GNA12: variants seen among roughly 807,000 people sequenced by gnomAD.
The protein encoded by GNA12 is G protein subunit alpha 12.
GNA12 carries 9 observed loss-of-function variants against 26.0 expected under a neutral mutation model. The observed-to-expected ratio is 0.35, with a 90% CI of 0.21 to 0.60. The LOEUF (loss-of-function observed/expected upper bound fraction) is 0.60, where lower values mean the gene tolerates loss of function less well. GNA12 is among the 20% of genes least tolerant of loss of function. The pLI, the probability that GNA12 is intolerant of heterozygous loss-of-function variation, is 0.78. For synonymous variants in GNA12, 264 were observed against 219.6 expected (o/e 1.20, Z -1.79); for missense variants, 405 against 525.8 (o/e 0.77, Z 2.25).
At chr7:2,789,218 C>A (rs1483652170) in intron 2 of GNA12, among the ~76,000 whole-genome samples, 1 of 137,248 alleles carries the variant, frequency 7.3e-6, no homozygotes, top group African/African-American at 2.8e-5. Flanking sequence ...TCACTGCAAG[C>A]TCCGCCTCCC....
chr7:2,843,029 G>T (rs1779045868), intron 1 of GNA12, among the ~76,000 whole-genome samples: 1 of 152,214 alleles, frequency 6.6e-6, no homozygotes. Context: ...GCTCACACCT[G>T]TAATCTCAGC....
chr7:2,778,694 A>G lies in GNA12; in HGVS notation c.525+16234T>C, dbSNP rs181141507. Reference sequence around the variant, plus strand: ...GGTAAACAAATACTACTTGCTAAGCATGGTGCTAGATGTTTTCACATCTCT... The same window carrying G: ...GGTAAACAAATACTACTTGCTAAGCGTGGTGCTAGATGTTTTCACATCTCT... On this transcript the variant is annotated intron_variant, in intron 2 of 3. Transcript: ENST00000275364. 1.1e-3 allele frequency among the ~76,000 whole-genome samples: 174 copies of G among 152,362 alleles called. 1 individual carries two copies. The highest frequency in any genetic ancestry group is 3.4e-3 in the Middle Eastern group (1 of 294).
Position 2,842,001 on chromosome 7 carries a change from T to TAGGGAGGGAGGGAGGAAGGAAGGAAGAA in GNA12, c.309+1851_309+1852insTTCTTCCTTCCTTCCTCCCTCCCTCCCT, listed in dbSNP as rs1554264300. Among the ~76,000 whole-genome samples, 706 of 95,872 alleles carry TAGGGAGGGAGGGAGGAAGGAAGGAAGAA rather than the reference T, an allele frequency of 7.4e-3. 15 individuals are homozygous for TAGGGAGGGAGGGAGGAAGGAAGGAAGAA. The highest frequency in any genetic ancestry group is 0.023 in the African/African-American group (687 of 29,556). 62.9% of individuals were successfully genotyped at this position (95,872 alleles called of 152,430 possible). Reference sequence around the variant, plus strand: ...AGGGGACAAGGAAAGGGTAGAGAGGTAGGGAGGGAGGGAGAAAGGAAGGGA... The same window carrying TAGGGAGGGAGGGAGGAAGGAAGGAAGAA: ...AGGGGACAAGGAAAGGGTAGAGAGGTAGGGAGGGAGGGAGGAAGGAAGGAAGAAAGGGAGGGAGGGAGAAAGGAAGGGA... On this transcript the variant is annotated intron_variant, in intron 1 of 3. Transcript: ENST00000275364.
chr7:2,764,368 C>G (rs1400663494), intron 2 of GNA12, among the ~76,000 whole-genome samples: 1 of 152,008 alleles, frequency 6.6e-6, no homozygotes, highest in African/African-American at 2.4e-5. Flanking sequence ...CAGGCGTGTG[C>G]TCCCGCATCC....
intron 3 of GNA12, among the ~76,000 whole-genome samples, 134 bp downstream of exon 3, chr7:2,733,298 GAGCGTGCCATTACAGTACT>G (rs1789993166): frequency 1.3e-5 from 2 of 152,178 alleles, no homozygotes; most frequent in African/African-American, 2.4e-5. Flanking sequence ...ATCCAAGTGA[GAGCGTGCCATTACAGTACT>G]ATTCGTGGTA....
rs568484892 is a variant in GNA12 at position 2,742,802 on chromosome 7, G to A, written c.526-9301C>T. The stretch of plus-strand genomic sequence containing the variant: ...AATCTTTTATGGTGCTTCTTAAATG[G>A]CATCTTTAAACATTTCCCATTTTAT... On this transcript the variant is annotated intron_variant, in intron 2 of 3. Transcript: ENST00000275364. 2.0e-5 allele frequency among the ~76,000 whole-genome samples: 3 copies of A among 152,224 alleles called. No individual in the cohort carries two copies. The South Asian group carries it at 6.2e-4, about 32-fold the overall frequency.
At chr7:2,741,400 G>C (rs1278752581) in intron 2 of GNA12, among the ~76,000 whole-genome samples, 1 of 152,122 alleles carries the variant, frequency 6.6e-6, no homozygotes, top group Admixed American at 6.6e-5. Flanking sequence ...GGGGTGGGGA[G>C]AGCTCACCCA....
intron 2 of GNA12, chr7:2,763,191 A>ACACACACACACACACACACACACACACAC (rs1791652924): frequency 9.2e-6 from 2 of 216,888 alleles, no homozygotes; most frequent in African/African-American, 5.4e-5. Context: ...AAGACACCCC[A>ACACACACACACACACACACACACACACAC]ACACACACAC....
In GNA12 at chr7:2,793,282, GCGCGAGAGGAAGCAGCGGACAGGA is replaced by G. The variant is rs375684731; in HGVS notation, c.525+1622_525+1645del. Among the ~76,000 whole-genome samples, 572 of 148,250 alleles carry G rather than the reference GCGCGAGAGGAAGCAGCGGACAGGA, an allele frequency of 3.9e-3. 1 individual carries two copies. The highest frequency in any genetic ancestry group is 5.4e-3 in the Non-Finnish European group (361 of 67,276). On this transcript the variant is annotated intron_variant, in intron 2 of 3. Transcript: ENST00000275364. The stretch of plus-strand genomic sequence containing the variant: ...CCAGGCCAGGATCCAGCAGACAGGA[GCGCGAGAGGAAGCAGCGGACAGGA>G]CGCGAGAGGAAGCAGCGGACAGGAC...
intron 2 of GNA12, among the ~76,000 whole-genome samples, chr7:2,788,633 A>G (rs538153077): frequency 3.3e-5 from 5 of 152,340 alleles, no homozygotes; most frequent in African/African-American, 1.2e-4. Flanking sequence ...TGTTTGGAGG[A>G]AAGTTAGATA....
At chr7:2,795,823 T>C (rs1792655142) in intron 1 of GNA12, among the ~76,000 whole-genome samples, 1 of 150,606 alleles carries the variant, frequency 6.6e-6, no homozygotes, top group Admixed American at 6.6e-5. Flanking sequence ...CAACTTTTTT[T>C]TTTTTTTTTT....
chr7:2,756,922 A>G (rs1791325136), intron 2 of GNA12, among the ~76,000 whole-genome samples: 2 of 151,772 alleles, frequency 1.3e-5, no homozygotes, highest in Non-Finnish European at 2.9e-5. Context: ...AAAAATTTAA[A>G]AAGTAGCCGG....
At chr7:2,765,788 A>G (rs1791782153) in intron 2 of GNA12, among the ~76,000 whole-genome samples, 1 of 151,426 alleles carries the variant, frequency 6.6e-6, no homozygotes, top group East Asian at 2.0e-4. Flanking sequence ...GTGCCAATAC[A>G]CCCAGCTAAT....
intron 2 of GNA12, among the ~76,000 whole-genome samples, chr7:2,743,971 G>A (rs963752923): frequency 2.6e-5 from 4 of 152,172 alleles, no homozygotes; most frequent in Admixed American, 6.6e-5. Flanking sequence ...GAGGCTGGGG[G>A]AGGGGTACCC....
At chr7:2,739,570 G>T (rs1341016553) in intron 2 of GNA12, among the ~76,000 whole-genome samples, 1 of 152,092 alleles carries the variant, frequency 6.6e-6, no homozygotes, top group African/African-American at 2.4e-5. Context: ...CCAGTTTTTG[G>T]CCGTTGTGAA....
chr7:2,821,925 C>T (rs1391307281), intron 1 of GNA12, among the ~76,000 whole-genome samples: 1 of 152,186 alleles, frequency 6.6e-6, no homozygotes, highest in Non-Finnish European at 1.5e-5. Flanking sequence ...CCAACAAATA[C>T]TCAAATGCCT....
At chr7:2,777,151 T>C (rs1210836902) in intron 2 of GNA12, among the ~76,000 whole-genome samples, 1 of 152,146 alleles carries the variant, frequency 6.6e-6, no homozygotes, top group Non-Finnish European at 1.5e-5. Context: ...GGCTAGGTTA[T>C]TGCTGCCTGC....
At chr7:2,842,024 G>A (rs1027446258) in intron 1 of GNA12, among the ~76,000 whole-genome samples, 11 of 41,284 alleles carry the variant, frequency 2.7e-4, no homozygotes, top group East Asian at 5.7e-4. Flanking sequence ...AGAAAGGAAG[G>A]GAGGAAGGAA....
intron 2 of GNA12, among the ~76,000 whole-genome samples, chr7:2,778,267 G>A (rs541890516): frequency 6.6e-6 from 1 of 152,234 alleles, no homozygotes; most frequent in South Asian, 2.1e-4. Context: ...TGGCTTAAAC[G>A]CAAAATTCTC....
Sources: allele counts gnomAD v4.1 joint callset (sites outside exome capture counted in the v4.1 genomes callset), GRCh38; gene constraint gnomAD v4.1.1; transcripts MANE v1.5; gene names NCBI Gene and HGNC (gene_info 2026-07-23, HGNC 2026-07-21).